CDH7: variants seen among roughly 807,000 people sequenced by gnomAD.
The protein encoded by CDH7 is cadherin 7, also known as cadherin-7.
A neutral mutation model predicts 71.8 loss-of-function variants in CDH7; 25 were observed. The observed-to-expected ratio is 0.35, with a 90% confidence interval of 0.25 to 0.49. The LOEUF (loss-of-function observed/expected upper bound fraction) is 0.49, where lower values mean the gene tolerates loss of function less well. CDH7 is among the 20% of genes least tolerant of loss of function. The pLI, the probability that CDH7 is intolerant of heterozygous loss-of-function variation, is 0.99. For missense variants in CDH7, 862 were observed against 974.6 expected (o/e 0.88, Z 1.54); for synonymous variants, 381 against 363.8 (o/e 1.05, Z -0.54).
At chr18:65,845,705 A>G (rs2143996690) in intron 7 of CDH7, among the ~76,000 whole-genome samples, 1 of 152,152 alleles carries the variant, frequency 6.6e-6, no homozygotes, top group East Asian at 1.9e-4. Flanking sequence ...TGCTTTCATA[A>G]AGTTGGAGAT....
At chr18:65,823,558 T>A (rs532765109) in intron 5 of CDH7, among the ~76,000 whole-genome samples, 1 of 151,992 alleles carries the variant, frequency 6.6e-6, no homozygotes, top group African/African-American at 2.4e-5. Context: ...AATCACTAGT[T>A]TAACCCTGAC....
intron 4 of CDH7, among the ~76,000 whole-genome samples, chr18:65,820,707 C>T (rs566386952): frequency 1.3e-5 from 2 of 152,240 alleles, no homozygotes; most frequent in East Asian, 1.9e-4. Flanking sequence ...TATTTATAGG[C>T]TCACTTATAA....
chr18:65,782,332 A>C lies in CDH7; in HGVS notation c.210+19280A>C, dbSNP rs575631296. ...CAGGCATGCGCCACCACACCTGACA[A>C]ATTTTTGTATTTTTAGTAGAGACGG... is the stretch of plus-strand genomic sequence containing the variant. On this transcript the variant is annotated intron_variant, in intron 2 of 11. Coordinates refer to ENST00000397968, the MANE Select transcript of CDH7 (RefSeq NM_004361.5). Among the ~76,000 whole-genome samples the C allele has an allele frequency of 1.1e-4, 17 of 151,234 alleles. No individual in the cohort carries two copies. The East Asian group carries it at 3.1e-3, about 28-fold the overall frequency.
chr18:65,790,443 C>T lies in CDH7; in HGVS notation c.211-19261C>T, dbSNP rs563057953. 3.9e-5 allele frequency among the ~76,000 whole-genome samples: 6 copies of T among 152,110 alleles called. No homozygotes were observed. The East Asian group carries it at 1.2e-3, about 29-fold the overall frequency. ...TGAGAGTGAAGTGTAAGAATAAGTA[C>T]TCTACAATACACTGATTTTTATATT... is the stretch of plus-strand genomic sequence containing the variant. On this transcript the variant is annotated intron_variant, in intron 2 of 11. Transcript: ENST00000397968.
intron 2 of CDH7, among the ~76,000 whole-genome samples, chr18:65,791,082 T>C (rs1423875019): frequency 6.6e-6 from 1 of 152,212 alleles, no homozygotes; most frequent in Non-Finnish European, 1.5e-5. Context: ...TTTTTACTTA[T>C]GAGGCAACTT....
intron 7 of CDH7, among the ~76,000 whole-genome samples, chr18:65,855,525 G>T (rs1322896667): frequency 1.2e-5 from 1 of 86,686 alleles, no homozygotes; most frequent in Non-Finnish European, 3.0e-5. Flanking sequence ...TTTTCAAAAA[G>T]TGTAAACTCT....
chr18:65,870,661 C>G, intron 11 of CDH7, among the ~76,000 whole-genome samples: 1 of 152,144 alleles, frequency 6.6e-6, no homozygotes, highest in East Asian at 1.9e-4. Flanking sequence ...GCTCCTGAAA[C>G]AGTCTTCCTG....
intron 1 of CDH7, among the ~76,000 whole-genome samples, chr18:65,757,571 A>G (rs879329336): frequency 3.3e-5 from 5 of 152,144 alleles, no homozygotes; most frequent in Non-Finnish European, 7.4e-5. Flanking sequence ...AATATCAAAC[A>G]AAAACATTTT....
chr18:65,876,547 C>T (rs1204253224), intron 11 of CDH7, among the ~76,000 whole-genome samples: 9 of 152,130 alleles, frequency 5.9e-5, no homozygotes, highest in Non-Finnish European at 1.2e-4. Flanking sequence ...ACTGTCGTCA[C>T]TGTACCAAGT....
At chr18:65,860,876 T>G (rs1290416838) in intron 10 of CDH7, among the ~76,000 whole-genome samples, 1 of 152,174 alleles carries the variant, frequency 6.6e-6, no homozygotes, top group East Asian at 1.9e-4. Context: ...TGATCTTATT[T>G]CCTACTCAAT....
At chr18:65,801,295 A>G (rs565709390) in intron 2 of CDH7, among the ~76,000 whole-genome samples, 1 of 152,340 alleles carries the variant, frequency 6.6e-6, no homozygotes, top group Admixed American at 6.5e-5. Flanking sequence ...AATCTAGTTT[A>G]GGCATCGGGA....
chr18:65,807,728 TG>T (rs1217173875), intron 2 of CDH7, among the ~76,000 whole-genome samples: 2 of 152,218 alleles, frequency 1.3e-5, no homozygotes, highest in Non-Finnish European at 2.9e-5. Context: ...TCAAGTCTTT[TG>T]CTATGTGCTG....
chr18:65,796,690 G>A (rs1055986645), intron 2 of CDH7, among the ~76,000 whole-genome samples: 4 of 152,108 alleles, frequency 2.6e-5, no homozygotes, highest in East Asian at 1.9e-4. Flanking sequence ...AGCGACACAA[G>A]GGCACGAGAC....
intron 2 of CDH7, among the ~76,000 whole-genome samples, chr18:65,777,010 G>A (rs1383961352): frequency 6.6e-6 from 1 of 152,110 alleles, no homozygotes; most frequent in Non-Finnish European, 1.5e-5. Flanking sequence ...CATGTAGAGG[G>A]AGGGGCATAG....
chr18:65,884,961 A>G lies in CDH7; in HGVS notation c.*4067A>G, dbSNP rs1914330297. On this transcript the variant is annotated 3_prime_UTR_variant, in exon 12 of 12. Transcript: ENST00000397968. ...TTTCTGGTCCACGATGCCTGGAGGC[A>G]AGTGAAATATATATGACAAATAATA... is the stretch of plus-strand genomic sequence containing the variant. The G allele has an allele frequency of 6.6e-6, 1 of 152,212 alleles. No homozygotes were observed. The highest frequency in any genetic ancestry group is 1.5e-5 in the Non-Finnish European group (1 of 68,032). The allele number at this position is 152,212 out of a possible 1,614,324, so 9.4% of individuals were successfully genotyped here. A position where few individuals can be genotyped will look rare whatever the true frequency, so the allele number is the denominator to read the frequency against.
chr18:65,818,890 T>C (rs1599027879), intron 4 of CDH7, among the ~76,000 whole-genome samples: 2 of 152,338 alleles, frequency 1.3e-5, no homozygotes, highest in African/African-American at 4.8e-5. Flanking sequence ...GCTCTCTTCA[T>C]TGGCTGCTCC....
At position 65,751,377 on chromosome 18, in the gene CDH7, G is replaced by T. The variant is rs1258474824; in HGVS notation, c.-197+227G>T. ...GCGGGGGCGTTTGGCCCGGAAAGCC[G>T]GTGTTGACAGACACCAGGTGCGACA... On this transcript the variant is annotated intron_variant, in intron 1 of 11. Coordinates refer to ENST00000397968, the MANE Select transcript of CDH7 (RefSeq NM_004361.5). 2.0e-5 allele frequency among the ~76,000 whole-genome samples: 3 copies of T among 152,220 alleles called. No homozygotes were observed. In the East Asian group the frequency reaches 5.8e-4, roughly 29 times the overall value.
At chr18:65,807,397 G>T (rs1199039477) in intron 2 of CDH7, among the ~76,000 whole-genome samples, 2 of 152,128 alleles carry the variant, frequency 1.3e-5, no homozygotes, top group African/African-American at 4.8e-5. Context: ...GTGATCAGTT[G>T]GTGGGAATTA....
chr18:65,817,120 G>A (rs900100290), intron 4 of CDH7, among the ~76,000 whole-genome samples: 22 of 152,136 alleles, frequency 1.4e-4, no homozygotes, highest in African/African-American at 5.1e-4. Context: ...AGGTCATCTA[G>A]CCATGAAGCA....
Sources: gnomAD v4.1 joint callset for allele counts (sites outside exome capture counted in the v4.1 genomes callset) on GRCh38, gnomAD v4.1.1 for gene constraint, MANE v1.5 for transcripts, NCBI Gene and HGNC (gene_info 2026-07-23, HGNC 2026-07-21) for gene names.